Variants in BBX observed in about 807,000 individuals in gnomAD.
BBX encodes the protein HMG box transcription factor BBX.
A neutral mutation model predicts 100.2 loss-of-function variants in BBX; 30 were observed. That is an observed-to-expected ratio of 0.30 (90% confidence interval 0.22 to 0.41). The LOEUF is 0.41. Among genes scored for constraint, BBX ranks in the 10% least tolerant of loss-of-function variants. The pLI is 1.00. For missense variants in BBX, 1,023 were observed against 1,129.8 expected (o/e 0.91, Z 1.35); for synonymous variants, 376 against 388.1 (o/e 0.97, Z 0.37).
At chr3:107,678,677 A>G (rs2059410200) in intron 3 of BBX, among the ~76,000 whole-genome samples, 1 of 152,074 alleles carries the variant, frequency 6.6e-6, no homozygotes, top group Non-Finnish European at 1.5e-5. Context: ...AGTGAGCTGT[A>G]TTTGCACTAC....
chr3:107,552,990 A>G (rs187011779), intron 2 of BBX, among the ~76,000 whole-genome samples: 1 of 152,190 alleles, frequency 6.6e-6, no homozygotes, highest in Non-Finnish European at 1.5e-5. Flanking sequence ...ACGTCTTTTG[A>G]CTTCATAAAG....
intron 2 of BBX, among the ~76,000 whole-genome samples, chr3:107,559,841 C>T (rs1446931317): frequency 1.3e-5 from 2 of 152,120 alleles, no homozygotes; most frequent in Non-Finnish European, 2.9e-5. Flanking sequence ...CTCCCAGGCT[C>T]AAGTTATCCT....
intron 6 of BBX, among the ~76,000 whole-genome samples, chr3:107,729,966 A>C (rs906527910): frequency 6.6e-6 from 1 of 152,130 alleles, no homozygotes; most frequent in Non-Finnish European, 1.5e-5. Context: ...ATGTGCCTAT[A>C]GTCCTGGCTA....
intron 5 of BBX, among the ~76,000 whole-genome samples, chr3:107,718,089 G>A (rs747513707): frequency 3.3e-5 from 5 of 150,576 alleles, no homozygotes; most frequent in Admixed American, 6.6e-5. Flanking sequence ...AAAATACCAC[G>A]TAAAAATTTC....
chr3:107,661,964 T>C, intron 3 of BBX: 2 of 921,496 alleles, frequency 2.2e-6, no homozygotes, highest in Non-Finnish European at 2.6e-6. Context: ...TCAGCATTTG[T>C]TAAGTGACTA....
At chr3:107,699,200 A>G (rs1203044467) in intron 3 of BBX, among the ~76,000 whole-genome samples, 1 of 151,790 alleles carries the variant, frequency 6.6e-6, no homozygotes, top group Non-Finnish European at 1.5e-5. Context: ...CCTCTCTCAG[A>G]CTTGAAAGGA....
At chr3:107,585,834 G>A (rs1380802953) in intron 2 of BBX, among the ~76,000 whole-genome samples, 1 of 152,050 alleles carries the variant, frequency 6.6e-6, no homozygotes. Flanking sequence ...AACACAGTAG[G>A]CGGATGTAAG....
chr3:107,551,245 A>T (rs2049647933), intron 2 of BBX, among the ~76,000 whole-genome samples: 2 of 152,248 alleles, frequency 1.3e-5, no homozygotes, highest in Non-Finnish European at 1.5e-5. Context: ...GAGGAAATAC[A>T]GAAGTAGCCA....
chr3:107,607,418 T>C (rs1275451261), intron 2 of BBX, among the ~76,000 whole-genome samples: 1 of 152,160 alleles, frequency 6.6e-6, no homozygotes, highest in African/African-American at 2.4e-5. Flanking sequence ...TAGTATTCCA[T>C]TGTGTGTGTG....
In BBX at chr3:107,668,181, A is replaced by G. The variant is rs1559941361; in HGVS notation, c.-10+22272A>G. 2.6e-5 allele frequency among the ~76,000 whole-genome samples: 4 copies of G among 152,198 alleles called. No individual in the cohort carries two copies. In the South Asian group the frequency reaches 8.3e-4, roughly 32 times the overall value. ...ATTATGTTGTTGAAAATTACTAAAT[A>G]TGGTTTTCTTCTTCTATGCAAGTGC... On this transcript the variant is annotated intron_variant, in intron 3 of 17. Coordinates refer to ENST00000325805, the MANE Select transcript of BBX (RefSeq NM_001142568.3).
intron 2 of BBX, among the ~76,000 whole-genome samples, chr3:107,548,697 A>G (rs1332393503): frequency 6.6e-6 from 1 of 152,226 alleles, no homozygotes; most frequent in African/African-American, 2.4e-5. Context: ...TGTTATGTTC[A>G]TTCCAGTGCT....
chr3:107,749,209 C>T (rs2064868971), intron 9 of BBX, among the ~76,000 whole-genome samples: 1 of 152,134 alleles, frequency 6.6e-6, no homozygotes, highest in African/African-American at 2.4e-5. Flanking sequence ...GATTTTGTTA[C>T]AGTTTTCCAT....
At chr3:107,750,166 A>G (rs1487298185) in intron 9 of BBX, among the ~76,000 whole-genome samples, 1 of 152,180 alleles carries the variant, frequency 6.6e-6, no homozygotes. Flanking sequence ...AGAGAAGAAA[A>G]GAACTTCTTA....
At chr3:107,724,401 C>G (rs1168302731) in intron 5 of BBX, among the ~76,000 whole-genome samples, 1 of 151,800 alleles carries the variant, frequency 6.6e-6, no homozygotes, top group Non-Finnish European at 1.5e-5. Flanking sequence ...TGCAGAAGCT[C>G]TTTAGTTTAA....
At chr3:107,732,469 A>G (rs1037329427) in intron 6 of BBX, among the ~76,000 whole-genome samples, 3 of 152,164 alleles carry the variant, frequency 2.0e-5, no homozygotes, top group African/African-American at 7.2e-5. Context: ...AATAAAACCT[A>G]CCAGATTTTA....
chr3:107,541,443 C>A (rs550296538), intron 2 of BBX, among the ~76,000 whole-genome samples: 1 of 152,026 alleles, frequency 6.6e-6, no homozygotes, highest in African/African-American at 2.4e-5. Context: ...CAGTTAAGGC[C>A]CATGTAGGGC....
chr3:107,788,013 C>T (rs1196821281), intron 13 of BBX, among the ~76,000 whole-genome samples: 2 of 152,082 alleles, frequency 1.3e-5, no homozygotes, highest in Admixed American at 1.3e-4. Flanking sequence ...CTTAAGTCCT[C>T]GTAAGATAGT....
At chr3:107,722,771 T>C (rs1223416844) in intron 5 of BBX, among the ~76,000 whole-genome samples, 5 of 152,030 alleles carry the variant, frequency 3.3e-5, no homozygotes, top group Admixed American at 2.0e-4. Flanking sequence ...TAAAAACAGC[T>C]AGCAAGAATA....
At chr3:107,780,830 AGAG>A (rs1264075163) in intron 13 of BBX, among the ~76,000 whole-genome samples, 1 of 152,018 alleles carries the variant, frequency 6.6e-6, no homozygotes, top group African/African-American at 2.4e-5. Flanking sequence ...TTTAGGGGAC[AGAG>A]GAGATTATTT....
Sources: allele counts gnomAD v4.1 joint callset (sites outside exome capture counted in the v4.1 genomes callset), GRCh38; gene constraint gnomAD v4.1.1; transcripts MANE v1.5; gene names NCBI Gene and HGNC (gene_info 2026-07-23, HGNC 2026-07-21).